LRRC1: variants seen among roughly 807,000 people sequenced by gnomAD.
LRRC1 encodes leucine rich repeat containing 1, also known as leucine-rich repeat-containing protein 1.
Under a neutral mutation model 69.9 loss-of-function variants are expected in LRRC1, and 28 were observed. The ratio of observed to expected loss-of-function variants is 0.40; its 90% confidence interval spans 0.30 to 0.55. The LOEUF is 0.55. Ranked by LOEUF, LRRC1 falls within the 20% of genes least tolerant of loss-of-function variation. The pLI, the probability that LRRC1 is intolerant of heterozygous loss-of-function variation, is 0.47. For synonymous variants in LRRC1, 236 were observed against 240.2 expected (o/e 0.98, Z 0.16); for missense variants, 498 against 609.0 (o/e 0.82, Z 1.92).
At chr6:53,913,195 T>C (rs1768466257) in intron 10 of LRRC1, among the ~76,000 whole-genome samples, 1 of 152,092 alleles carries the variant, frequency 6.6e-6, no homozygotes, top group Non-Finnish European at 1.5e-5. Flanking sequence ...AAGAAATGGA[T>C]GTATGGATTT....
rs1002517259 is a variant in LRRC1, at chr6:53,795,200, G to C, written c.-57G>C. On this transcript the variant is annotated 5_prime_UTR_variant, in exon 1 of 14. Coordinates refer to ENST00000370888, the MANE Select transcript of LRRC1 (RefSeq NM_018214.5). ...TGAGCGGAGCCGCCGGCCAGAGCGG[G>C]CTCGGAGCCCGGGTCTCCGCCGCTC... is the stretch of plus-strand genomic sequence containing the variant. 2.0e-6 allele frequency: 3 copies of C among 1,498,006 alleles called. No homozygotes were observed. The South Asian group carries it at 3.8e-5, about 19-fold the overall frequency. 92.8% of individuals were successfully genotyped at this position (1,498,006 alleles called of 1,614,324 possible).
intron 2 of LRRC1, among the ~76,000 whole-genome samples, chr6:53,872,914 A>T (rs1016195400): frequency 2.6e-5 from 4 of 151,716 alleles, no homozygotes; most frequent in Admixed American, 2.6e-4. Context: ...GCACCGCTGC[A>T]CCTGGCTAAT....
At chr6:53,820,264 A>G (rs1344828067) in intron 1 of LRRC1, among the ~76,000 whole-genome samples, 1 of 151,716 alleles carries the variant, frequency 6.6e-6, no homozygotes, top group Non-Finnish European at 1.5e-5. Context: ...GACTTCTGCC[A>G]TTTGCTAGCT....
intron 7 of LRRC1, among the ~76,000 whole-genome samples, chr6:53,899,208 G>A (rs1247466673): frequency 6.6e-6 from 1 of 152,200 alleles, no homozygotes; most frequent in Non-Finnish European, 1.5e-5. Context: ...TTCACTAAAG[G>A]CAGTATGCTG....
At chr6:53,819,096 C>T (rs572325300) in intron 1 of LRRC1, among the ~76,000 whole-genome samples, 3 of 151,972 alleles carry the variant, frequency 2.0e-5, no homozygotes, top group African/African-American at 4.8e-5. Context: ...TCTATGGGAT[C>T]GGAAACTATA....
rs79122612 is a variant in LRRC1 at position 53,888,694 on chromosome 6, G to A, written c.446+5718G>A. Among the ~76,000 whole-genome samples the A allele has an allele frequency of 7.0e-4, 107 of 152,290 alleles. 1 individual carries two copies. The East Asian group carries it at 0.02, about 28-fold the overall frequency. On this transcript the variant is annotated intron_variant, in intron 4 of 13. Transcript: ENST00000370888. ...GAATGAAGTTATACTCCTACCTCAT[G>A]CCAGACACAAAAAGCTAAATCAAAA...
At chr6:53,916,299 A>G (rs1768563563) in intron 11 of LRRC1, among the ~76,000 whole-genome samples, 1 of 152,222 alleles carries the variant, frequency 6.6e-6, no homozygotes. Context: ...AATAGGAAAT[A>G]GCTTATACTT....
intron 11 of LRRC1, among the ~76,000 whole-genome samples, chr6:53,916,455 A>G (rs950198600): frequency 6.6e-5 from 10 of 152,192 alleles, no homozygotes; most frequent in Admixed American, 3.3e-4. Context: ...GAGACCCAAG[A>G]TACTGAGTGA....
intron 1 of LRRC1, among the ~76,000 whole-genome samples, chr6:53,816,770 T>C (rs1445352323): frequency 6.6e-6 from 1 of 152,216 alleles, no homozygotes; most frequent in Non-Finnish European, 1.5e-5. Flanking sequence ...TCTTCTTTCC[T>C]TGTATTTCTG....
intron 1 of LRRC1, among the ~76,000 whole-genome samples, chr6:53,829,175 A>C (rs4382260): frequency 0.83 from 125,881 of 152,148 alleles, 52,271 homozygotes; most frequent in East Asian, 0.92. Flanking sequence ...GGGACTTTGA[A>C]CATGAGTCTG....
intron 1 of LRRC1, among the ~76,000 whole-genome samples, chr6:53,838,989 G>C (rs1039261449): frequency 6.6e-6 from 1 of 152,030 alleles, no homozygotes; most frequent in Admixed American, 6.6e-5. Flanking sequence ...CTTTTTTAAT[G>C]TAGTGTATCA....
chr6:53,851,173 GACAC>G (rs3222575), intron 2 of LRRC1, among the ~76,000 whole-genome samples: 36,657 of 144,560 alleles, frequency 0.25, 4,591 homozygotes, highest in South Asian at 0.26. Flanking sequence ...GAACTAATAG[GACAC>G]ACACACACAC....
At chr6:53,852,386 CA>C (rs1403152749) in intron 2 of LRRC1, among the ~76,000 whole-genome samples, 6 of 152,228 alleles carry the variant, frequency 3.9e-5, no homozygotes. Flanking sequence ...AGGACACAAG[CA>C]GGCATGAGGG....
At chr6:53,851,866 A>G (rs553614681) in intron 2 of LRRC1, among the ~76,000 whole-genome samples, 10 of 152,368 alleles carry the variant, frequency 6.6e-5, no homozygotes, top group African/African-American at 2.4e-4. Context: ...AAACCTAGAC[A>G]TAAGTTAACA....
intron 2 of LRRC1, among the ~76,000 whole-genome samples, chr6:53,872,689 C>G (rs1766928709): frequency 6.6e-6 from 1 of 150,476 alleles, no homozygotes; most frequent in Admixed American, 6.6e-5. Flanking sequence ...ATTTTGACAG[C>G]AATTGCATTG....
At position 53,919,229 on chromosome 6, in the gene LRRC1, C is replaced by CTCTTT. The variant is rs1467923075; in HGVS notation, c.1107-268_1107-267insCTTTT. ...AAATGTGTCCTGTAATTTTCTCTCT[C>CTCTTT]TTTTTTTTTTTTTTTTTTTTTTTTT... On this transcript the variant is annotated intron_variant, in intron 11 of 13. Coordinates refer to ENST00000370888, the MANE Select transcript of LRRC1 (RefSeq NM_018214.5). 1.5e-3 allele frequency: 107 copies of CTCTTT among 72,248 alleles called. 5 individuals carry two copies. Among genetic ancestry groups the CTCTTT allele is most frequent in the East Asian group, 7.0e-3 (12 of 1,710 alleles). The allele number at this position is 72,248 out of a possible 1,614,324, so 4.5% of individuals were successfully genotyped here. A position where few individuals can be genotyped will look rare whatever the true frequency, so the allele number is the denominator to read the frequency against.
At chr6:53,887,392 A>G (rs1293186704) in intron 4 of LRRC1, among the ~76,000 whole-genome samples, 2 of 152,054 alleles carry the variant, frequency 1.3e-5, no homozygotes, top group Non-Finnish European at 2.9e-5. Flanking sequence ...TGTTGCCAGT[A>G]AGCTTAAAGC....
intron 4 of LRRC1, among the ~76,000 whole-genome samples, chr6:53,895,402 C>G (rs1057173326): frequency 2.9e-4 from 44 of 152,116 alleles, no homozygotes; most frequent in Non-Finnish European, 1.2e-4. Flanking sequence ...ATTTACATTT[C>G]TGGATGTTAT....
At chr6:53,805,426 A>G (rs1764610639) in intron 1 of LRRC1, among the ~76,000 whole-genome samples, 1 of 152,158 alleles carries the variant, frequency 6.6e-6, no homozygotes, top group Non-Finnish European at 1.5e-5. Context: ...GTTTGGGAAC[A>G]CAAAGCTTGG....
Sources: gnomAD v4.1 joint callset for allele counts (sites outside exome capture counted in the v4.1 genomes callset) on GRCh38, gnomAD v4.1.1 for gene constraint, MANE v1.5 for transcripts, NCBI Gene and HGNC (gene_info 2026-07-23, HGNC 2026-07-21) for gene names.